Variants in TTC39C observed in about 807,000 individuals in gnomAD.
TTC39C encodes the protein tetratricopeptide repeat domain 39C, also known as tetratricopeptide repeat protein 39C.
In TTC39C, 33 loss-of-function variants were observed where a neutral mutation model predicts 76.3. The observed-to-expected ratio is 0.43, with a 90% CI of 0.33 to 0.58. The LOEUF (loss-of-function observed/expected upper bound fraction) is 0.58, where lower values mean the gene tolerates loss of function less well. TTC39C is among the 20% of genes least tolerant of loss of function. TTC39C has a pLI of 0.04. For synonymous variants in TTC39C, 254 were observed against 260.6 expected (o/e 0.97, Z 0.24); for missense variants, 595 against 701.4 (o/e 0.85, Z 1.71).
intron 1 of TTC39C, among the ~76,000 whole-genome samples, chr18:24,056,271 G>A (rs931066868): frequency 6.6e-6 from 1 of 152,144 alleles, no homozygotes; most frequent in African/African-American, 2.4e-5. Flanking sequence ...TGACAGCTGT[G>A]GGCTGATTAG....
intron 12 of TTC39C, among the ~76,000 whole-genome samples, chr18:24,131,020 CAAAAAAAAAAAAAAAAAAAAA>C (rs59161044): frequency 6.9e-4 from 10 of 14,424 alleles, no homozygotes; most frequent in Admixed American, 2.2e-3. Flanking sequence ...CTCATCTCTG[CAAAAAAAAAAAAAAAAAAAAA>C]AAAAAAAAAA....
chr18:24,056,421 A>G (rs1487180056), intron 1 of TTC39C, among the ~76,000 whole-genome samples: 1 of 152,206 alleles, frequency 6.6e-6, no homozygotes, highest in Non-Finnish European at 1.5e-5. Context: ...AATGAAAGAC[A>G]AAAAAATTCC....
intron 1 of TTC39C, among the ~76,000 whole-genome samples, chr18:24,045,287 T>A (rs372809559): frequency 1.2e-4 from 4 of 34,276 alleles, no homozygotes; most frequent in Middle Eastern, 0.018. Flanking sequence ...AAAAAAAGCA[T>A]GTAGCGTGTC....
chr18:24,039,515 A>G (rs1156890069), intron 1 of TTC39C, among the ~76,000 whole-genome samples: 1 of 152,240 alleles, frequency 6.6e-6, no homozygotes, highest in Non-Finnish European at 1.5e-5. Context: ...TTTTGTTTGT[A>G]GAGACGGAGT....
upstream of TTC39C, chr18:24,014,619 G>A: frequency 2.7e-6 from 1 of 372,002 alleles, no homozygotes; most frequent in Non-Finnish European, 4.3e-6. Flanking sequence ...GGCGCGAGAG[G>A]AGCGGGCGGG....
intron 6 of TTC39C, among the ~76,000 whole-genome samples, chr18:24,104,250 T>A (rs2084716549): frequency 1.3e-5 from 2 of 152,114 alleles, no homozygotes; most frequent in African/African-American, 4.8e-5. Flanking sequence ...CAAATTCTTA[T>A]AATGGTCATC....
chr18:24,018,313 C>A (rs2083478621), intron 1 of TTC39C, among the ~76,000 whole-genome samples: 1 of 152,122 alleles, frequency 6.6e-6, no homozygotes, highest in Non-Finnish European at 1.5e-5. Flanking sequence ...TGATCTTGAC[C>A]ACCTGAAGTC....
intron 1 of TTC39C, among the ~76,000 whole-genome samples, chr18:24,045,343 C>T (rs1295485257): frequency 2.7e-5 from 4 of 150,384 alleles, no homozygotes; most frequent in South Asian, 4.2e-4. Flanking sequence ...AACAAGGGGG[C>T]CAGGGGGGAT....
chr18:24,098,032 A>G (rs1371102092), intron 6 of TTC39C, among the ~76,000 whole-genome samples: 1 of 152,192 alleles, frequency 6.6e-6, no homozygotes, highest in African/African-American at 2.4e-5. Flanking sequence ...TGTCTTAAAT[A>G]AAACAAGAAT....
intron 8 of TTC39C, among the ~76,000 whole-genome samples, chr18:24,123,148 G>T (rs536380117): frequency 4.6e-5 from 7 of 152,100 alleles, no homozygotes; most frequent in Admixed American, 2.0e-4. Flanking sequence ...ATGATCCTCG[G>T]GGCTCTTCAT....
At chr18:24,082,875 A>T in intron 5 of TTC39C, 38 bp from the exon 6 acceptor site, 1 of 1,537,522 alleles carries the variant, frequency 6.5e-7, no homozygotes, top group Non-Finnish European at 8.8e-7. Context: ...GTGTAAGGAA[A>T]GTTAATGTGC....
rs140124961 is a variant in TTC39C at position 24,003,932 on chromosome 18, A to G, written c.-17+10894A>G. Reference sequence around the variant, plus strand: ...CTGGCTAGGCTTTTAAAATTTTTCTAAAGATGAGGATCTCACTATGTTGCC... The same window carrying G: ...CTGGCTAGGCTTTTAAAATTTTTCTGAAGATGAGGATCTCACTATGTTGCC... On this transcript the variant is annotated intron_variant, in intron 1 of 13. Coordinates refer to the TTC39C transcript ENST00000304621. Among the ~76,000 whole-genome samples, 5 of 152,246 alleles carry G rather than the reference A, an allele frequency of 3.3e-5. No individual in the cohort carries two copies. The East Asian group carries it at 5.8e-4, about 18-fold the overall frequency.
At chr18:24,111,147 C>T (rs774582217) in intron 6 of TTC39C, among the ~76,000 whole-genome samples, 4 of 152,094 alleles carry the variant, frequency 2.6e-5, no homozygotes, top group South Asian at 4.1e-4. Context: ...TGTGCCACCA[C>T]GCCCAGCTAA....
At chr18:24,015,336 C>T in intron 1 of TTC39C, 1 of 269,924 alleles carries the variant, frequency 3.7e-6, no homozygotes. Flanking sequence ...ACAGACGTGC[C>T]CGGTGCCGGT....
At chr18:24,115,013 G>C (rs976710691) in intron 7 of TTC39C, 2 of 192,082 alleles carry the variant, frequency 1.0e-5, no homozygotes, top group African/African-American at 4.8e-5. Flanking sequence ...AAGTCCCAGT[G>C]TTTTTCACCA....
chr18:24,114,174 C>G (rs2084858415), intron 6 of TTC39C: 1 of 255,850 alleles, frequency 3.9e-6, no homozygotes, highest in Admixed American at 5.1e-5. Flanking sequence ...AATTAAAATC[C>G]AACACGTCCT....
At chr18:24,088,054 G>A (rs775231136) in intron 6 of TTC39C, among the ~76,000 whole-genome samples, 5 of 152,094 alleles carry the variant, frequency 3.3e-5, no homozygotes, top group Non-Finnish European at 5.9e-5. Context: ...TACTTTTCTT[G>A]TGGCACCTAA....
At position 24,134,972 on chromosome 18, in the gene TTC39C, A is replaced by T. The variant is rs913210953; in HGVS notation, c.*2398A>T. The T allele has an allele frequency of 6.6e-6, 1 of 152,052 alleles. No homozygotes were observed. Among genetic ancestry groups the T allele is most frequent in the Non-Finnish European group, 1.5e-5 (1 of 68,016 alleles). The allele number at this position is 152,052 out of a possible 1,614,324, so 9.4% of individuals were successfully genotyped here. A position where few individuals can be genotyped will look rare whatever the true frequency, so the allele number is the denominator to read the frequency against. On this transcript the variant is annotated 3_prime_UTR_variant, in exon 14 of 14. Transcript: ENST00000317571. ...TCCTGTAGGTTTTCTTTACTAGTCA[A>T]AGTGTAGGTCTTTTTAAAATTTTTA...
chr18:24,085,573 G>A lies in TTC39C; in HGVS notation c.984+2492G>A, dbSNP rs150310638. Among the ~76,000 whole-genome samples the A allele has an allele frequency of 6.6e-5, 10 of 152,270 alleles. No homozygotes were observed. The East Asian group carries it at 1.7e-3, about 26-fold the overall frequency. ...GTTGTCAAGATGGTTCTAGAAATAA[G>A]GAAGCCACAGCTTCATCAAAGGATT... On this transcript the variant is annotated intron_variant, in intron 6 of 13. Coordinates refer to ENST00000317571, the MANE Select transcript of TTC39C (RefSeq NM_001135993.2).
Sources: allele counts gnomAD v4.1 joint callset (sites outside exome capture counted in the v4.1 genomes callset), GRCh38; gene constraint gnomAD v4.1.1; transcripts MANE v1.5; gene names NCBI Gene and HGNC (gene_info 2026-07-23, HGNC 2026-07-21).